MCUB: variants seen among roughly 807,000 people sequenced by gnomAD.
The protein encoded by MCUB is mitochondrial calcium uniporter dominant negative subunit beta, also known as calcium uniporter regulatory subunit MCUb, mitochondrial.
Under a neutral mutation model 41.4 loss-of-function variants are expected in MCUB, and 46 were observed. That is an observed-to-expected ratio of 1.11 (90% CI 0.88 to 1.42). MCUB has a LOEUF of 1.42. MCUB is among the 40% of genes most tolerant of loss of function. The pLI, the probability that MCUB is intolerant of heterozygous loss-of-function variation, is 0.00. For synonymous variants in MCUB, 148 were observed against 148.2 expected (o/e 1.00, Z 0.01); for missense variants, 403 against 404.9 (o/e 1.00, Z 0.04).
intron 1 of MCUB, among the ~76,000 whole-genome samples, chr4:109,624,659 G>A (rs532673400): frequency 6.6e-6 from 1 of 152,272 alleles, no homozygotes; most frequent in African/African-American, 2.4e-5. Flanking sequence ...AGAGGAAGAA[G>A]TTATACCTGA....
At chr4:109,597,803 C>T (rs1160536764) in intron 1 of MCUB, among the ~76,000 whole-genome samples, 11 of 150,370 alleles carry the variant, frequency 7.3e-5, no homozygotes, top group Admixed American at 1.3e-4. Flanking sequence ...TCAGACGGGG[C>T]AGCTGCTGGG....
intron 1 of MCUB, among the ~76,000 whole-genome samples, chr4:109,612,844 C>A (rs1249195084): frequency 6.6e-6 from 1 of 152,126 alleles, no homozygotes; most frequent in African/African-American, 2.4e-5. Flanking sequence ...CGGTGTCTCA[C>A]GCCTGTAATC....
At chr4:109,560,879 G>T (rs1279601137) in intron 1 of MCUB, 1 of 155,416 alleles carries the variant, frequency 6.4e-6, no homozygotes, top group Non-Finnish European at 1.4e-5. Flanking sequence ...GAACGGGGCA[G>T]TGACCGTCCC....
At chr4:109,685,223 T>G (rs3212156) in intron 6 of MCUB, 28 bp from the exon 7 acceptor site, 2 of 910,664 alleles carry the variant, frequency 2.2e-6, no homozygotes, top group Non-Finnish European at 3.5e-6. Context: ...AAACATGTTG[T>G]TTTCTTCTCT....
At chr4:109,659,552 T>C (rs1729179037) in intron 2 of MCUB, among the ~76,000 whole-genome samples, 2 of 151,828 alleles carry the variant, frequency 1.3e-5, no homozygotes, top group African/African-American at 2.4e-5. Context: ...ATCGTGCCAC[T>C]CCAGTTTGGG....
chr4:109,565,638 C>G (rs1219816383), intron 1 of MCUB, among the ~76,000 whole-genome samples: 1 of 152,158 alleles, frequency 6.6e-6, no homozygotes. Context: ...TGAGATAATG[C>G]TGTTTCGTTC....
chr4:109,579,735 T>C (rs1005917766), intron 1 of MCUB, among the ~76,000 whole-genome samples: 3 of 152,154 alleles, frequency 2.0e-5, no homozygotes, highest in African/African-American at 4.8e-5. Context: ...ACCACTGCCA[T>C]GTAGAAAAGA....
chr4:109,628,052 G>C (rs1175826616), intron 1 of MCUB, among the ~76,000 whole-genome samples: 3 of 152,154 alleles, frequency 2.0e-5, no homozygotes, highest in Non-Finnish European at 4.4e-5. Flanking sequence ...GAACAGGAGG[G>C]GTATAGGACA....
intron 4 of MCUB, among the ~76,000 whole-genome samples, chr4:109,676,856 A>G (rs147533224): frequency 1.4e-3 from 208 of 152,362 alleles, no homozygotes; most frequent in African/African-American, 4.9e-3. Context: ...GTAAAATGAG[A>G]GGAGAATAGA....
intron 1 of MCUB, among the ~76,000 whole-genome samples, chr4:109,653,106 G>A (rs1462302720): frequency 6.6e-6 from 1 of 152,218 alleles, no homozygotes; most frequent in African/African-American, 2.4e-5. Flanking sequence ...GCTGGGTGTG[G>A]TGGCTCACGC....
At position 109,560,455 on chromosome 4, in the gene MCUB, C is replaced by A; in HGVS notation, c.99+19C>A. Reference sequence around the variant, plus strand: ...GCCCCAGGTAAGAGCGGGTGCCGGGCTGTGGGGGTTCGGGGTAGGCTGGTG... The same window carrying A: ...GCCCCAGGTAAGAGCGGGTGCCGGGATGTGGGGGTTCGGGGTAGGCTGGTG... On this transcript the variant is annotated intron_variant, in intron 1 of 7. Transcript: ENST00000394650. 8.4e-7 allele frequency: 1 copy of A among 1,184,130 alleles called. No individual in the cohort carries two copies. Among genetic ancestry groups the A allele is most frequent in the East Asian group, 3.2e-5 (1 of 31,318 alleles). 73.4% of individuals were successfully genotyped at this position (1,184,130 alleles called of 1,614,324 possible).
chr4:109,572,124 TA>T (rs1726928592), intron 1 of MCUB, among the ~76,000 whole-genome samples: 1 of 152,266 alleles, frequency 6.6e-6, no homozygotes, highest in Non-Finnish European at 1.5e-5. Flanking sequence ...CTGAAAAACT[TA>T]AAAAGTAATT....
At chr4:109,678,231 A>G (rs1729617582) in intron 4 of MCUB, among the ~76,000 whole-genome samples, 1 of 151,986 alleles carries the variant, frequency 6.6e-6, no homozygotes, top group Non-Finnish European at 1.5e-5. Context: ...GCACAGACAC[A>G]GTAACAATCT....
intron 3 of MCUB, among the ~76,000 whole-genome samples, chr4:109,663,132 T>C (rs1007009683): frequency 1.3e-5 from 2 of 152,224 alleles, no homozygotes; most frequent in African/African-American, 4.8e-5. Context: ...CATATTAATA[T>C]AGCTAAAATA....
intron 1 of MCUB, among the ~76,000 whole-genome samples, chr4:109,647,575 C>A (rs1008877845): frequency 6.6e-6 from 1 of 152,096 alleles, no homozygotes; most frequent in Non-Finnish European, 1.5e-5. Context: ...TTTATTTATT[C>A]ATTCATCTAC....
At chr4:109,611,431 A>C (rs982606248) in intron 1 of MCUB, among the ~76,000 whole-genome samples, 55 of 152,238 alleles carry the variant, frequency 3.6e-4, no homozygotes, top group Admixed American at 3.5e-3. Context: ...AAGTGAAAGC[A>C]AATTCTCTAG....
intron 1 of MCUB, among the ~76,000 whole-genome samples, chr4:109,626,173 C>CAA (rs1728355979): frequency 1.3e-5 from 2 of 152,182 alleles, no homozygotes; most frequent in African/African-American, 4.8e-5. Context: ...TACATAATTT[C>CAA]CTTCTGGACT....
At chr4:109,671,370 G>A (rs1729454957) in intron 4 of MCUB, among the ~76,000 whole-genome samples, 1 of 151,940 alleles carries the variant, frequency 6.6e-6, no homozygotes, top group South Asian at 2.1e-4. Flanking sequence ...AGTTACACTT[G>A]TGCAATTGTC....
intron 4 of MCUB, among the ~76,000 whole-genome samples, chr4:109,673,542 CAG>C (rs1295156620): frequency 9.9e-5 from 15 of 152,122 alleles, no homozygotes; most frequent in African/African-American, 3.6e-4. Flanking sequence ...GTAAAGTAAA[CAG>C]GGACACAGCA....
Sources: allele counts gnomAD v4.1 joint callset (sites outside exome capture counted in the v4.1 genomes callset), GRCh38; gene constraint gnomAD v4.1.1; transcripts MANE v1.5; gene names NCBI Gene and HGNC (gene_info 2026-07-23, HGNC 2026-07-21).